DRC8: variants seen among roughly 807,000 people sequenced by gnomAD.
The protein encoded by DRC8 is dynein regulatory complex protein 8.
chr1:245,051,225 A>G, the DRC8 span, among the ~76,000 whole-genome samples: 2 of 151,474 alleles, frequency 1.3e-5, no homozygotes, highest in African/African-American at 4.9e-5. Flanking sequence ...CTCTGTCTCT[A>G]TTAAGAAAAA....
chr1:245,092,482 G>A, the DRC8 span, among the ~76,000 whole-genome samples: 3 of 152,156 alleles, frequency 2.0e-5, no homozygotes, highest in Non-Finnish European at 4.4e-5. Context: ...TTAAATAAAC[G>A]GAGAGCCTCA....
At chr1:245,112,756 CTT>C in the DRC8 span, among the ~76,000 whole-genome samples, 13 of 142,214 alleles carry the variant, frequency 9.1e-5, no homozygotes, top group Non-Finnish European at 7.8e-5. Flanking sequence ...TTCATGTTAC[CTT>C]TTTTTTTTTT....
At chr1:245,033,867 G>A in the DRC8 span, among the ~76,000 whole-genome samples, 3 of 151,794 alleles carry the variant, frequency 2.0e-5, no homozygotes, top group African/African-American at 2.4e-5. Flanking sequence ...AATTACAGGC[G>A]TGCACCACCA....
At chr1:245,076,321 C>A in the DRC8 span, among the ~76,000 whole-genome samples, 2 of 152,198 alleles carry the variant, frequency 1.3e-5, no homozygotes, top group Non-Finnish European at 2.9e-5. Context: ...CACAACCATC[C>A]TTTAGGTTAC....
chr1:245,063,272 T>A, the DRC8 span, among the ~76,000 whole-genome samples: 2 of 152,098 alleles, frequency 1.3e-5, no homozygotes, highest in Non-Finnish European at 2.9e-5. Context: ...CCCCATCTCC[T>A]AGGGTCCTTG....
chr1:245,043,468 C>T, the DRC8 span, among the ~76,000 whole-genome samples: 1 of 151,766 alleles, frequency 6.6e-6, no homozygotes, highest in African/African-American at 2.4e-5. Flanking sequence ...AAAAAGAAAT[C>T]AAATGTCTCA....
the DRC8 span, chr1:245,075,445 G>A: frequency 6.6e-6 from 1 of 152,282 alleles, no homozygotes; most frequent in South Asian, 2.1e-4. Flanking sequence ...CCATATTGGG[G>A]AAGAGGAGGA....
At chr1:244,977,585 T>A in the DRC8 span, among the ~76,000 whole-genome samples, 2 of 152,142 alleles carry the variant, frequency 1.3e-5, no homozygotes, top group Non-Finnish European at 2.9e-5. Flanking sequence ...GGAGCCCCCA[T>A]CCCTCTGTCT....
chr1:244,988,646 T>C, the DRC8 span, among the ~76,000 whole-genome samples: 1 of 152,202 alleles, frequency 6.6e-6, no homozygotes, highest in Non-Finnish European at 1.5e-5. Context: ...GAGTGTGACA[T>C]TAGACCTTTG....
chr1:245,118,539 C>G, the DRC8 span, among the ~76,000 whole-genome samples: 2 of 152,306 alleles, frequency 1.3e-5, no homozygotes, highest in South Asian at 4.1e-4. Flanking sequence ...CGCCTGTAAT[C>G]CCAGCACTTT....
chr1:245,009,039 T>C, the DRC8 span, among the ~76,000 whole-genome samples: 1 of 129,396 alleles, frequency 7.7e-6, no homozygotes, highest in Non-Finnish European at 1.6e-5. Context: ...TTTTTTTTTT[T>C]TTTTTTTTTT....
At chr1:245,062,201 T>G in the DRC8 span, among the ~76,000 whole-genome samples, 7 of 152,370 alleles carry the variant, frequency 4.6e-5, no homozygotes, top group South Asian at 1.4e-3. Context: ...GTAGACACAT[T>G]CTTTTCTCTT....
the DRC8 span, among the ~76,000 whole-genome samples, chr1:244,972,681 G>A: frequency 6.6e-6 from 1 of 152,056 alleles, no homozygotes; most frequent in East Asian, 1.9e-4. Flanking sequence ...AGCTGGGCGT[G>A]GTGGCACGCC....
chr1:244,988,680 T>C, the DRC8 span, among the ~76,000 whole-genome samples: 88,654 of 151,970 alleles, frequency 0.58, 26,599 homozygotes, highest in East Asian at 0.76. Context: ...TTTCCATATA[T>C]GCTTCCTGTG....
chr1:245,119,443 G>A, the DRC8 span, among the ~76,000 whole-genome samples: 1 of 151,912 alleles, frequency 6.6e-6, no homozygotes, highest in East Asian at 1.9e-4. Flanking sequence ...GGAGGCCGAG[G>A]CAGGAGGCCA....
the DRC8 span, among the ~76,000 whole-genome samples, chr1:245,052,692 G>A: frequency 6.6e-6 from 1 of 152,210 alleles, no homozygotes; most frequent in Non-Finnish European, 1.5e-5. Flanking sequence ...GGGCCTCTGG[G>A]GAGCACCCAG....
chr1:244,985,714 A>G, the DRC8 span, among the ~76,000 whole-genome samples: 16 of 151,546 alleles, frequency 1.1e-4, no homozygotes, highest in Non-Finnish European at 2.2e-4. Context: ...AAATACAAAA[A>G]TTAGCCAGGC....
the DRC8 span, among the ~76,000 whole-genome samples, chr1:245,052,561 A>G: frequency 1.3e-5 from 2 of 152,254 alleles, no homozygotes; most frequent in Non-Finnish European, 2.9e-5. Flanking sequence ...ACACAGCAGT[A>G]GAAGATGCAT....
the DRC8 span, chr1:245,044,013 G>A: frequency 6.6e-6 from 1 of 152,196 alleles, no homozygotes; most frequent in East Asian, 1.9e-4. Context: ...ACACACATTT[G>A]TGAAGCGTTC....
Sources: allele counts gnomAD v4.1 joint callset (sites outside exome capture counted in the v4.1 genomes callset), GRCh38; gene constraint gnomAD v4.1.1; transcripts MANE v1.5; gene names NCBI Gene and HGNC (gene_info 2026-07-23, HGNC 2026-07-21).